Variants in LRRC1 observed in about 807,000 individuals in gnomAD.
LRRC1 encodes leucine rich repeat containing 1, also known as leucine-rich repeat-containing protein 1.
A neutral mutation model predicts 69.9 loss-of-function variants in LRRC1; 28 were observed. The ratio of observed to expected loss-of-function variants is 0.40; its 90% CI spans 0.30 to 0.55. The LOEUF (loss-of-function observed/expected upper bound fraction) is 0.55. Ranked by LOEUF, LRRC1 falls within the 20% of genes least tolerant of loss-of-function variation. The pLI is 0.47. For synonymous variants in LRRC1, 236 were observed against 240.2 expected (o/e 0.98, Z 0.16); for missense variants, 498 against 609.0 (o/e 0.82, Z 1.92).
intron 2 of LRRC1, among the ~76,000 whole-genome samples, chr6:53,856,435 C>G (rs1332376291): frequency 1.3e-5 from 2 of 152,082 alleles, no homozygotes; most frequent in African/African-American, 4.8e-5. Context: ...GGGGCATGCT[C>G]CATCATTTTG....
intron 2 of LRRC1, among the ~76,000 whole-genome samples, chr6:53,868,615 G>C (rs1048264802): frequency 6.6e-6 from 1 of 152,128 alleles, no homozygotes; most frequent in Non-Finnish European, 1.5e-5. Flanking sequence ...CTAGTGTGCC[G>C]TTTATTTTAC....
rs1764642051 is a variant in LRRC1 at position 53,806,633 on chromosome 6, A to G, written c.159+11218A>G. On this transcript the variant is annotated intron_variant, in intron 1 of 13. Coordinates refer to ENST00000370888, the MANE Select transcript of LRRC1 (RefSeq NM_018214.5). ...TGCTAATTTTATGACTTGATGTCCC[A>G]GAGTGAACCTTTGATGAGTGGTGCT... Among the ~76,000 whole-genome samples the G allele has an allele frequency of 2.0e-5, 3 of 152,336 alleles. 1 individual carries two copies. In the South Asian group the frequency reaches 6.2e-4, roughly 32 times the overall value.
intron 3 of LRRC1, among the ~76,000 whole-genome samples, chr6:53,881,430 G>A (rs1271325463): frequency 1.3e-5 from 2 of 152,088 alleles, no homozygotes; most frequent in Non-Finnish European, 2.9e-5. Flanking sequence ...GAACATCTTA[G>A]CTAGTTTTTA....
chr6:53,880,013 A>G (rs947470581), intron 3 of LRRC1, among the ~76,000 whole-genome samples: 1 of 152,142 alleles, frequency 6.6e-6, no homozygotes, highest in African/African-American at 2.4e-5. Context: ...CCTCAGAAGA[A>G]ATGCACTCTT....
chr6:53,842,005 A>G (rs993026799), intron 1 of LRRC1, 105 bp from the exon 2 acceptor site: 5 of 674,224 alleles, frequency 7.4e-6, no homozygotes, highest in Admixed American at 5.3e-5. Flanking sequence ...ATGTTGCTAC[A>G]ACCTTCATTA....
chr6:53,816,752 A>G (rs530832394), intron 1 of LRRC1, among the ~76,000 whole-genome samples: 16 of 152,336 alleles, frequency 1.1e-4, no homozygotes, highest in African/African-American at 3.8e-4. Context: ...AAAAATGTGC[A>G]TAACACCTCT....
chr6:53,804,407 G>C (rs1201688140), intron 1 of LRRC1, among the ~76,000 whole-genome samples: 3 of 151,974 alleles, frequency 2.0e-5, no homozygotes, highest in Non-Finnish European at 2.9e-5. Flanking sequence ...AATTCCCTTT[G>C]ATTTTAGGAT....
intron 3 of LRRC1, among the ~76,000 whole-genome samples, chr6:53,880,127 A>ATGG (rs1767237958): frequency 6.6e-6 from 1 of 152,188 alleles, no homozygotes; most frequent in African/African-American, 2.4e-5. Flanking sequence ...CTTCTTGGGT[A>ATGG]TGGAGTGCTG....
chr6:53,838,868 T>A (rs990735356), intron 1 of LRRC1, among the ~76,000 whole-genome samples: 3 of 152,292 alleles, frequency 2.0e-5, no homozygotes, highest in South Asian at 2.1e-4. Flanking sequence ...TTTTATTTTT[T>A]AAAAAAATAT....
At chr6:53,827,808 T>C (rs1765317293) in intron 1 of LRRC1, among the ~76,000 whole-genome samples, 1 of 152,202 alleles carries the variant, frequency 6.6e-6, no homozygotes, top group Non-Finnish European at 1.5e-5. Context: ...TGATAATGAT[T>C]GCTCACTGGG....
At chr6:53,822,748 G>T (rs560849740) in intron 1 of LRRC1, among the ~76,000 whole-genome samples, 1 of 152,242 alleles carries the variant, frequency 6.6e-6, no homozygotes, top group African/African-American at 2.4e-5. Flanking sequence ...CCTACTCTTG[G>T]TCCTGGTGGA....
At chr6:53,836,268 G>A (rs1020215125) in intron 1 of LRRC1, among the ~76,000 whole-genome samples, 10 of 152,118 alleles carry the variant, frequency 6.6e-5, no homozygotes, top group African/African-American at 2.2e-4. Flanking sequence ...CCTAACCAAC[G>A]CACAGAAACG....
At chr6:53,800,247 C>CTTTTTTTTTTTTTTTTTT (rs55960000) in intron 1 of LRRC1, among the ~76,000 whole-genome samples, 1 of 89,554 alleles carries the variant, frequency 1.1e-5, no homozygotes, top group African/African-American at 4.4e-5. Flanking sequence ...GTTTCTTTTT[C>CTTTTTTTTTTTTTTTTTT]TTTTTTTTTT....
intron 2 of LRRC1, among the ~76,000 whole-genome samples, chr6:53,861,318 A>G (rs1158983076): frequency 6.6e-6 from 1 of 151,670 alleles, no homozygotes; most frequent in South Asian, 2.1e-4. Context: ...GACTTTTCCA[A>G]TTCTCAGGGG....
rs1581908204 is a variant in LRRC1 at position 53,897,483 on chromosome 6, A to G, written c.642+124A>G. ...TTGAAAACCAAAAACATTGATTGAA[A>G]AGGCACATTTGGAAAAAACATATTG... is the stretch of plus-strand genomic sequence containing the variant. On this transcript the variant is annotated intron_variant, in intron 7 of 13. Transcript: ENST00000370888. 7.7e-6 allele frequency: 5 copies of G among 646,216 alleles called. No homozygotes were observed. In the East Asian group the frequency reaches 1.4e-4, roughly 19 times the overall value. The allele number at this position is 646,216 out of a possible 1,614,324, so 40.0% of individuals were successfully genotyped here.
At chr6:53,883,434 G>A (rs1767366739) in intron 4 of LRRC1, among the ~76,000 whole-genome samples, 1 of 152,164 alleles carries the variant, frequency 6.6e-6, no homozygotes, top group African/African-American at 2.4e-5. Context: ...CCAAGAATAG[G>A]GAATGAGAAT....
chr6:53,864,013 CTT>C (rs1195547351), intron 2 of LRRC1, among the ~76,000 whole-genome samples: 1 of 151,610 alleles, frequency 6.6e-6, no homozygotes, highest in East Asian at 1.9e-4. Flanking sequence ...TCTGCCTCCT[CTT>C]TATCTACTGC....
intron 4 of LRRC1, among the ~76,000 whole-genome samples, chr6:53,890,333 A>T (rs563221409): frequency 6.6e-6 from 1 of 152,236 alleles, no homozygotes; most frequent in Non-Finnish European, 1.5e-5. Context: ...ATCAATAAAC[A>T]TTTAATTATT....
intron 2 of LRRC1, among the ~76,000 whole-genome samples, chr6:53,873,238 T>C (rs137986642): frequency 3.0e-4 from 46 of 152,194 alleles, no homozygotes; most frequent in African/African-American, 9.9e-4. Flanking sequence ...TTTTTAAAAA[T>C]TTCTTTTTTA....
Sources: allele counts gnomAD v4.1 joint callset (sites outside exome capture counted in the v4.1 genomes callset), GRCh38; gene constraint gnomAD v4.1.1; transcripts MANE v1.5; gene names NCBI Gene and HGNC (gene_info 2026-07-23, HGNC 2026-07-21).